Variants in TACR1 observed in about 807,000 individuals in gnomAD.
The protein encoded by TACR1 is tachykinin receptor 1.
In TACR1, 25 loss-of-function variants were observed where a neutral mutation model predicts 35.8. The observed-to-expected ratio is 0.70, with a 90% CI of 0.51 to 0.98. TACR1 has a LOEUF of 0.98. TACR1 is among the 50% of genes least tolerant of loss of function. The pLI is 0.00. For synonymous variants in TACR1, 195 were observed against 206.7 expected (o/e 0.94, Z 0.48); for missense variants, 478 against 522.9 (o/e 0.91, Z 0.84).
rs2103646981 is a variant in TACR1, at chr2:75,199,108, T to G, written c.-174A>C. On this transcript the variant is annotated 5_prime_UTR_variant, in exon 1 of 5. Transcript: ENST00000305249. The stretch of plus-strand genomic sequence containing the variant: ...AACTGGCGCTCAGAATATAAACGCT[T>G]CTGGATGCACTGCCCGCCTGCCCGC... The G allele has an allele frequency of 5.1e-6, 4 of 783,104 alleles. No homozygotes were observed. In the South Asian group the frequency reaches 8.1e-5, roughly 16 times the overall value. The allele number at this position is 783,104 out of a possible 1,614,324, so 48.5% of individuals were successfully genotyped here.
At chr2:75,128,440 C>T (rs1054902582) in intron 1 of TACR1, among the ~76,000 whole-genome samples, 1 of 152,046 alleles carries the variant, frequency 6.6e-6, no homozygotes, top group African/African-American at 2.4e-5. Flanking sequence ...CTGATGTGAA[C>T]GAAGGGGAAA....
intron 1 of TACR1, among the ~76,000 whole-genome samples, chr2:75,173,100 T>A (rs1675330393): frequency 1.3e-5 from 2 of 152,050 alleles, no homozygotes; most frequent in Admixed American, 1.3e-4. Context: ...ACGGACACAA[T>A]TCAACCCATA....
At chr2:75,123,065 A>G (rs1490542790) in intron 1 of TACR1, among the ~76,000 whole-genome samples, 2 of 142,912 alleles carry the variant, frequency 1.4e-5, no homozygotes, top group African/African-American at 2.6e-5. Flanking sequence ...CCGTCTTTCC[A>G]ATTCAGTGAA....
chr2:75,169,442 G>T (rs776034581), intron 1 of TACR1, among the ~76,000 whole-genome samples: 5 of 152,238 alleles, frequency 3.3e-5, no homozygotes, highest in Non-Finnish European at 7.4e-5. Flanking sequence ...AGTATATAAG[G>T]TCATAATATT....
intron 2 of TACR1, among the ~76,000 whole-genome samples, chr2:75,120,191 A>T (rs1193195286): frequency 1.3e-5 from 2 of 152,160 alleles, no homozygotes; most frequent in African/African-American, 4.8e-5. Flanking sequence ...GTGGGAGGTA[A>T]TTCCCCACCT....
At chr2:75,106,711 T>TTTA (rs1673650817) in intron 2 of TACR1, among the ~76,000 whole-genome samples, 2 of 151,964 alleles carry the variant, frequency 1.3e-5, no homozygotes, top group Non-Finnish European at 2.9e-5. Flanking sequence ...TAAATGTTAA[T>TTTA]AGCTATGGAA....
rs1179374337 is a variant in TACR1 at position 75,049,087 on chromosome 2, G to A, written c.*345C>T. ...GGAAAATGAGTCTTCCGGGTCCGCA[G>A]CTGTGCTGCAGAATTCATCCTGAAA... On this transcript the variant is annotated 3_prime_UTR_variant, in exon 5 of 5. Coordinates refer to ENST00000305249, the MANE Select transcript of TACR1 (RefSeq NM_001058.4). The A allele has an allele frequency of 4.2e-6, 1 of 236,630 alleles. No homozygotes were observed. The highest frequency in any genetic ancestry group is 8.2e-6 in the Non-Finnish European group (1 of 122,688). The allele number at this position is 236,630 out of a possible 1,614,324, so 14.7% of individuals were successfully genotyped here. A position where few individuals can be genotyped will look rare whatever the true frequency, so the allele number is the denominator to read the frequency against.
At chr2:75,081,066 G>C (rs959468348) in intron 2 of TACR1, among the ~76,000 whole-genome samples, 1 of 152,154 alleles carries the variant, frequency 6.6e-6, no homozygotes, top group Non-Finnish European at 1.5e-5. Flanking sequence ...CTGCTCGAGA[G>C]AAAAATGGGC....
chr2:75,147,417 A>ATTTTT (rs1203048655), intron 1 of TACR1, among the ~76,000 whole-genome samples: 1 of 152,072 alleles, frequency 6.6e-6, no homozygotes, highest in Non-Finnish European at 1.5e-5. Flanking sequence ...ATTTTTAAAA[A>ATTTTT]TTTTTATTTT....
chr2:75,094,913 A>G (rs1320732902), intron 2 of TACR1, among the ~76,000 whole-genome samples: 2 of 148,974 alleles, frequency 1.3e-5, no homozygotes, highest in African/African-American at 5.1e-5. Context: ...TATGACTGGA[A>G]TCATTCAGAT....
chr2:75,155,106 C>G (rs903683136), intron 1 of TACR1, among the ~76,000 whole-genome samples: 1 of 152,152 alleles, frequency 6.6e-6, no homozygotes, highest in Non-Finnish European at 1.5e-5. Context: ...ATTTAAAAAA[C>G]AAACAAAAAA....
intron 1 of TACR1, among the ~76,000 whole-genome samples, chr2:75,149,876 G>A (rs1181240850): frequency 6.6e-6 from 1 of 152,100 alleles, no homozygotes; most frequent in African/African-American, 2.4e-5. Flanking sequence ...AGCTGTGGGT[G>A]TGTCATAAAT....
chr2:75,180,869 C>T (rs1335122767), intron 1 of TACR1, among the ~76,000 whole-genome samples: 1 of 152,192 alleles, frequency 6.6e-6, no homozygotes, highest in African/African-American at 2.4e-5. Flanking sequence ...ATAACTGATA[C>T]AGCAGAGGCT....
chr2:75,050,692 G>C (rs1376168396), intron 4 of TACR1, among the ~76,000 whole-genome samples: 1 of 152,192 alleles, frequency 6.6e-6, no homozygotes, highest in East Asian at 1.9e-4. Context: ...AGGCCTCTGG[G>C]GTCACAATTC....
At chr2:75,124,500 C>T (rs1168987935) in intron 1 of TACR1, among the ~76,000 whole-genome samples, 1 of 152,174 alleles carries the variant, frequency 6.6e-6, no homozygotes, top group East Asian at 1.9e-4. Context: ...CTTTAAGGGA[C>T]CACATCTTCC....
At chr2:75,094,860 T>TATATATATATATATATATATATATATATA (rs1491102755) in intron 2 of TACR1, among the ~76,000 whole-genome samples, 5 of 50,404 alleles carry the variant, frequency 9.9e-5, no homozygotes, top group African/African-American at 3.8e-4. Flanking sequence ...TATATATATA[T>TATATATATATATATATATATATATATATA]TTTTTTTTTT....
intron 1 of TACR1, among the ~76,000 whole-genome samples, chr2:75,170,335 T>G (rs1247348647): frequency 6.6e-6 from 1 of 152,264 alleles, no homozygotes; most frequent in Non-Finnish European, 1.5e-5. Flanking sequence ...GCTACTCATT[T>G]GTCTTCAGCC....
chr2:75,164,872 A>G (rs779840639), intron 1 of TACR1, among the ~76,000 whole-genome samples: 5 of 152,212 alleles, frequency 3.3e-5, no homozygotes, highest in Non-Finnish European at 7.3e-5. Context: ...TTAACACTTT[A>G]TGAAAATAAT....
intron 1 of TACR1, chr2:75,189,525 ATATAT>A (rs754607048): frequency 2.4e-4 from 37 of 152,190 alleles, no homozygotes; most frequent in Non-Finnish European, 4.3e-4. Context: ...TGAGAATCTG[ATATAT>A]TAGAGAATTT....
Sources: allele counts gnomAD v4.1 joint callset (sites outside exome capture counted in the v4.1 genomes callset), GRCh38; gene constraint gnomAD v4.1.1; transcripts MANE v1.5; gene names NCBI Gene and HGNC (gene_info 2026-07-23, HGNC 2026-07-21).